Variants in GRM1 observed in about 807,000 individuals in gnomAD.
GRM1 encodes the protein metabotropic glutamate receptor 1.
Under a neutral mutation model 90.9 loss-of-function variants are expected in GRM1, and 33 were observed. The observed-to-expected ratio is 0.36, with a 90% CI of 0.28 to 0.49. The LOEUF is 0.49. Among genes scored for constraint, GRM1 ranks in the 20% least tolerant of loss-of-function variants. GRM1 has a pLI of 0.99. For missense variants in GRM1, 1,190 were observed against 1,534.3 expected, an observed-to-expected ratio of 0.78 and a Z score of 3.75; for synonymous variants, 700 against 613.2, an observed-to-expected ratio of 1.14 and a Z score of -2.09.
chr6:146,393,141 C>T (rs1383101432), intron 6 of GRM1, among the ~76,000 whole-genome samples: 1 of 152,144 alleles, frequency 6.6e-6, no homozygotes, highest in Admixed American at 6.5e-5. Flanking sequence ...CTAATTTACA[C>T]TCCTACCAAC....
chr6:146,140,138 T>TTTCTTTCTTTCC lies in GRM1; in HGVS notation c.701-19207_701-19206insTTTCTTTCCTTC, dbSNP rs1415545136. Reference sequence around the variant, plus strand: ...CTTTCTTTCTTTCTTTCTTTCTTTCTTTCCTTCCTTCCTTCTTTCTCCTTC... The same window carrying TTTCTTTCTTTCC: ...CTTTCTTTCTTTCTTTCTTTCTTTCTTTCTTTCTTTCCTTCCTTCCTTCCTTCTTTCTCCTTC... On this transcript the variant is annotated intron_variant, in intron 1 of 7. Coordinates refer to ENST00000282753, the MANE Select transcript of GRM1 (RefSeq NM_001278064.2). Among the ~76,000 whole-genome samples, 171 of 128,296 alleles carry TTTCTTTCTTTCC rather than the reference T, an allele frequency of 1.3e-3. 1 individual carries two copies. Among genetic ancestry groups the TTTCTTTCTTTCC allele is most frequent in the East Asian group, 4.3e-3 (18 of 4,192 alleles). 84.2% of individuals were successfully genotyped at this position (128,296 alleles called of 152,430 possible). A position where few individuals can be genotyped will look rare whatever the true frequency, so the allele number is the denominator to read the frequency against.
intron 2 of GRM1, among the ~76,000 whole-genome samples, chr6:146,290,084 T>C (rs1782919440): frequency 6.6e-6 from 1 of 152,186 alleles, no homozygotes; most frequent in South Asian, 2.1e-4. Flanking sequence ...AGAATAACTG[T>C]CAGGAAAACA....
At chr6:146,340,694 C>T (rs1414838480) in intron 3 of GRM1, among the ~76,000 whole-genome samples, 1 of 152,128 alleles carries the variant, frequency 6.6e-6, no homozygotes, top group Middle Eastern at 3.4e-3. Flanking sequence ...TACAGGCATG[C>T]ACCACTACAC....
intron 3 of GRM1, among the ~76,000 whole-genome samples, chr6:146,335,368 T>C (rs976905760): frequency 6.6e-6 from 1 of 152,194 alleles, no homozygotes; most frequent in Admixed American, 6.5e-5. Context: ...ATAGGGACCC[T>C]AAGGGTCAAC....
chr6:146,433,534 G>A (rs1778486542), intron 7 of GRM1, among the ~76,000 whole-genome samples: 1 of 147,622 alleles, frequency 6.8e-6, no homozygotes, highest in Non-Finnish European at 1.5e-5. Context: ...AAGTGTGTGT[G>A]TGTGTGTGTG....
At chr6:146,237,054 C>T (rs1780674063) in intron 2 of GRM1, among the ~76,000 whole-genome samples, 1 of 152,066 alleles carries the variant, frequency 6.6e-6, no homozygotes, top group Non-Finnish European at 1.5e-5. Context: ...CTAGCATCTG[C>T]CTTGGCTCAT....
chr6:146,136,090 T>C (rs979488870), intron 1 of GRM1, among the ~76,000 whole-genome samples: 5 of 152,212 alleles, frequency 3.3e-5, no homozygotes, highest in Non-Finnish European at 5.9e-5. Context: ...GTTCCATTCA[T>C]GTTGTTGGAA....
At chr6:146,249,837 G>T (rs574236328) in intron 2 of GRM1, among the ~76,000 whole-genome samples, 1 of 152,310 alleles carries the variant, frequency 6.6e-6, no homozygotes, top group South Asian at 2.1e-4. Flanking sequence ...AGCAGCCAGG[G>T]GGTGGGTTGA....
intron 2 of GRM1, among the ~76,000 whole-genome samples, chr6:146,254,906 C>T (rs1781429231): frequency 1.3e-5 from 2 of 152,170 alleles, no homozygotes; most frequent in Admixed American, 6.5e-5. Flanking sequence ...TCTGCAGCCT[C>T]TCTCATTTTA....
At chr6:146,313,823 TC>T (rs1287593769) in intron 3 of GRM1, among the ~76,000 whole-genome samples, 2 of 152,060 alleles carry the variant, frequency 1.3e-5, no homozygotes, top group Non-Finnish European at 2.9e-5. Context: ...CTTCTCAAAT[TC>T]CTTTGTGCCT....
intron 1 of GRM1, among the ~76,000 whole-genome samples, chr6:146,055,537 G>T (rs553222928): frequency 1.3e-5 from 2 of 152,002 alleles, no homozygotes; most frequent in East Asian, 1.9e-4. Context: ...TTCTTTTATA[G>T]ATATCAACTC....
At chr6:146,367,206 G>A (rs1280110905) in intron 5 of GRM1, among the ~76,000 whole-genome samples, 1 of 152,018 alleles carries the variant, frequency 6.6e-6, no homozygotes, top group Non-Finnish European at 1.5e-5. Flanking sequence ...AAAATAAGAT[G>A]GTTGTAAATA....
intron 2 of GRM1, among the ~76,000 whole-genome samples, chr6:146,268,356 T>C (rs1781995820): frequency 6.6e-6 from 1 of 152,214 alleles, no homozygotes; most frequent in Admixed American, 6.5e-5. Flanking sequence ...CCTTCATGAC[T>C]TCTTTTCCAA....
intron 2 of GRM1, among the ~76,000 whole-genome samples, chr6:146,232,306 TTCTTTGTCTATCCACACA>T (rs1271794898): frequency 1.3e-5 from 2 of 152,242 alleles, no homozygotes; most frequent in African/African-American, 4.8e-5. Flanking sequence ...TAGATCTATC[TTCTTTGTCTATCCACACA>T]TCATCATCCC....
intron 5 of GRM1, among the ~76,000 whole-genome samples, chr6:146,363,444 G>A (rs1775567264): frequency 6.6e-6 from 1 of 152,210 alleles, no homozygotes; most frequent in East Asian, 1.9e-4. Flanking sequence ...TGTTTATCTG[G>A]AAGCTTGGAT....
chr6:146,202,112 C>T (rs1195173010), intron 2 of GRM1, among the ~76,000 whole-genome samples: 2 of 152,094 alleles, frequency 1.3e-5, no homozygotes, highest in Non-Finnish European at 2.9e-5. Context: ...AATATGCACT[C>T]CATAAATATA....
intron 2 of GRM1, among the ~76,000 whole-genome samples, chr6:146,295,586 G>A (rs1030143905): frequency 1.8e-4 from 27 of 152,008 alleles, no homozygotes; most frequent in African/African-American, 6.0e-4. Flanking sequence ...TTCTCAAAGC[G>A]TAATGCTAGG....
At chr6:146,318,093 T>G (rs955886391) in intron 3 of GRM1, among the ~76,000 whole-genome samples, 1 of 152,226 alleles carries the variant, frequency 6.6e-6, no homozygotes, top group African/African-American at 2.4e-5. Context: ...GGTGGTTTGC[T>G]GGACTCATCA....
chr6:146,159,009 A>G (rs561314530), intron 1 of GRM1, among the ~76,000 whole-genome samples: 1 of 152,302 alleles, frequency 6.6e-6, no homozygotes, highest in East Asian at 1.9e-4. Context: ...TGACCTCCCT[A>G]GTCCAATGCA....
Sources: allele counts gnomAD v4.1 joint callset (sites outside exome capture counted in the v4.1 genomes callset), GRCh38; gene constraint gnomAD v4.1.1; transcripts MANE v1.5; gene names NCBI Gene and HGNC (gene_info 2026-07-23, HGNC 2026-07-21).